Variants in NRXN3 observed in about 807,000 individuals in gnomAD.
NRXN3 encodes the protein neurexin 3.
A neutral mutation model predicts 137.6 loss-of-function variants in NRXN3; 32 were observed. That is an observed-to-expected ratio of 0.23 (90% CI 0.18 to 0.31). The LOEUF (loss-of-function observed/expected upper bound fraction) is 0.31. Among genes scored for constraint, NRXN3 ranks in the 10% least tolerant of loss-of-function variants. The pLI is 1.00. For missense variants in NRXN3, 1,574 were observed against 2,062.5 expected (o/e 0.76, Z 4.59); for synonymous variants, 798 against 784.5 (o/e 1.02, Z -0.29).
At chr14:78,415,584 C>T (rs887870857) in intron 4 of NRXN3, among the ~76,000 whole-genome samples, 8 of 152,164 alleles carry the variant, frequency 5.3e-5, no homozygotes, top group Non-Finnish European at 8.8e-5. Flanking sequence ...AATTGTCTAA[C>T]CCAGATTCTT....
chr14:79,682,602 G>A (rs28588297), intron 17 of NRXN3, among the ~76,000 whole-genome samples: 16,974 of 151,986 alleles, frequency 0.11, 966 homozygotes, highest in African/African-American at 0.13. Flanking sequence ...TAACTTTACG[G>A]GGAGAAAGTT....
At chr14:79,351,093 C>G (rs1280802535) in intron 15 of NRXN3, among the ~76,000 whole-genome samples, 3 of 152,168 alleles carry the variant, frequency 2.0e-5, no homozygotes, top group South Asian at 2.1e-4. Flanking sequence ...TTCAAACTTT[C>G]AACTAATGGT....
chr14:78,974,178 G>A (rs1192653704), intron 14 of NRXN3, among the ~76,000 whole-genome samples: 2 of 152,132 alleles, frequency 1.3e-5, no homozygotes, highest in African/African-American at 4.8e-5. Context: ...TAGACATTAT[G>A]TTTAATTGTC....
intron 4 of NRXN3, among the ~76,000 whole-genome samples, chr14:78,453,193 G>A (rs1281915221): frequency 1.3e-5 from 2 of 152,168 alleles, no homozygotes; most frequent in African/African-American, 2.4e-5. Context: ...TGTTAGGGAT[G>A]TATTATTTTG....
Position 78,312,990 on chromosome 14 carries a change from C to T in NRXN3, c.757+15130C>T, listed in dbSNP as rs2078151155. 2.0e-5 allele frequency among the ~76,000 whole-genome samples: 3 copies of T among 152,262 alleles called. No individual in the cohort carries two copies. In the South Asian group the frequency reaches 6.2e-4, roughly 32 times the overall value. ...ACAAGAGTGATTTAGTTCTATTATC[C>T]TGTGCGCTGCATCTCTGTTTTTTAT... On this transcript the variant is annotated intron_variant, in intron 4 of 20. Coordinates refer to ENST00000335750, the MANE Select transcript of NRXN3 (RefSeq NM_001330195.2).
chr14:78,354,624 T>C (rs1445086501), intron 4 of NRXN3, among the ~76,000 whole-genome samples: 3 of 152,328 alleles, frequency 2.0e-5, no homozygotes, highest in Admixed American at 6.5e-5. Context: ...TTTGGATACA[T>C]GAAGAGTTCT....
chr14:78,368,620 A>G (rs2086353810), intron 4 of NRXN3, among the ~76,000 whole-genome samples: 1 of 152,184 alleles, frequency 6.6e-6, no homozygotes, highest in Admixed American at 6.5e-5. Flanking sequence ...ACTTGAATCC[A>G]GGAGGTGGAG....
intron 8 of NRXN3, among the ~76,000 whole-genome samples, chr14:78,769,670 G>A (rs1035229878): frequency 3.3e-5 from 5 of 152,218 alleles, no homozygotes; most frequent in Admixed American, 6.5e-5. Flanking sequence ...GACGAGGATC[G>A]AGAAAGCAGT....
chr14:78,541,831 G>A (rs1464317769), intron 4 of NRXN3, among the ~76,000 whole-genome samples: 1 of 151,984 alleles, frequency 6.6e-6, no homozygotes, highest in Non-Finnish European at 1.5e-5. Flanking sequence ...TGATGTTGAT[G>A]CTATTCTTTT....
intron 15 of NRXN3, among the ~76,000 whole-genome samples, chr14:79,160,642 A>T (rs1303072316): frequency 2.0e-5 from 3 of 151,888 alleles, no homozygotes; most frequent in Admixed American, 6.6e-5. Flanking sequence ...CTCACGAAAA[A>T]ATTATCCCAG....
At chr14:79,152,116 G>A (rs75511508) in intron 15 of NRXN3, among the ~76,000 whole-genome samples, 2,737 of 152,048 alleles carry the variant, frequency 0.018, 78 homozygotes, top group African/African-American at 0.062. Flanking sequence ...ATTGAACAGT[G>A]TTTCTACAGA....
At chr14:79,477,278 T>C (rs2096568342) in intron 16 of NRXN3, among the ~76,000 whole-genome samples, 1 of 152,078 alleles carries the variant, frequency 6.6e-6, no homozygotes, top group Non-Finnish European at 1.5e-5. Context: ...ATGAATGGCA[T>C]AAGAAAAGAG....
intron 19 of NRXN3, among the ~76,000 whole-genome samples, chr14:79,777,660 A>G (rs2099101266): frequency 6.6e-6 from 1 of 151,982 alleles, no homozygotes; most frequent in African/African-American, 2.4e-5. Flanking sequence ...TTATTTATTC[A>G]CAAACACTGG....
chr14:78,890,248 C>A (rs2099155196), intron 10 of NRXN3, among the ~76,000 whole-genome samples: 1 of 151,872 alleles, frequency 6.6e-6, no homozygotes, highest in Non-Finnish European at 1.5e-5. Context: ...ATGAATTATA[C>A]AAGAGCATCA....
intron 4 of NRXN3, among the ~76,000 whole-genome samples, chr14:78,374,450 G>A (rs2024333): frequency 0.99 from 150,694 of 152,324 alleles, 74,555 homozygotes; most frequent in East Asian, 1. Context: ...GTCATATGAC[G>A]GTTTATAATT....
chr14:79,517,609 T>C (rs1024993713), intron 16 of NRXN3, among the ~76,000 whole-genome samples: 2 of 152,122 alleles, frequency 1.3e-5, no homozygotes, highest in African/African-American at 4.8e-5. Context: ...TATTATTCAT[T>C]TTCATAATTT....
Position 78,867,989 on chromosome 14 carries a change from T to A in NRXN3, c.2275+57645T>A, listed in dbSNP as rs1430190075. Reference sequence around the variant, plus strand: ...TATAATTATAAAATTACAAAAATGATTGTAATTTTAAATCATATATAAATT... The same window carrying A: ...TATAATTATAAAATTACAAAAATGAATGTAATTTTAAATCATATATAAATT... On this transcript the variant is annotated intron_variant, in intron 10 of 20. Coordinates refer to ENST00000335750, the MANE Select transcript of NRXN3 (RefSeq NM_001330195.2). Among the ~76,000 whole-genome samples the A allele has an allele frequency of 2.0e-5, 3 of 148,386 alleles. No homozygotes were observed. In the South Asian group the frequency reaches 6.3e-4, roughly 31 times the overall value.
intron 1 of NRXN3, among the ~76,000 whole-genome samples, chr14:78,224,049 C>G (rs907307565): frequency 2.6e-5 from 4 of 152,000 alleles, no homozygotes; most frequent in African/African-American, 9.7e-5. Flanking sequence ...TGCTGTATTC[C>G]TTTCAAAACC....
chr14:78,568,340 C>CATCT (rs2096856077), intron 4 of NRXN3, among the ~76,000 whole-genome samples: 1 of 152,166 alleles, frequency 6.6e-6, no homozygotes, highest in East Asian at 1.9e-4. Flanking sequence ...TAGAAGCCAC[C>CATCT]ATCTATGAAC....
Sources: allele counts gnomAD v4.1 joint callset (sites outside exome capture counted in the v4.1 genomes callset), GRCh38; gene constraint gnomAD v4.1.1; transcripts MANE v1.5; gene names NCBI Gene and HGNC (gene_info 2026-07-23, HGNC 2026-07-21).